Variants in TMEM132C observed in about 807,000 individuals in gnomAD.
TMEM132C encodes transmembrane protein 132C.
In TMEM132C, 29 loss-of-function variants were observed where a neutral mutation model predicts 61.4. The ratio of observed to expected loss-of-function variants is 0.47; its 90% CI spans 0.35 to 0.64. TMEM132C has a LOEUF of 0.64. Ranked by LOEUF, TMEM132C falls within the 30% of genes least tolerant of loss-of-function variation. The pLI is 0.00. For synonymous variants in TMEM132C, 656 were observed against 633.1 expected (o/e 1.04, Z -0.54); for missense variants, 1,408 against 1,476.9 (o/e 0.95, Z 0.76).
chr12:128,675,976 C>T (rs143345678), intron 5 of TMEM132C, among the ~76,000 whole-genome samples: 258 of 152,268 alleles, frequency 1.7e-3, no homozygotes, highest in African/African-American at 5.9e-3. Context: ...GTGTATATTT[C>T]CTAAGAATAA....
intron 3 of TMEM132C, among the ~76,000 whole-genome samples, chr12:128,572,834 C>T (rs535367248): frequency 6.6e-6 from 1 of 152,352 alleles, no homozygotes; most frequent in East Asian, 1.9e-4. Flanking sequence ...GTGACTTGGT[C>T]CCACTAGAAA....
intron 3 of TMEM132C, among the ~76,000 whole-genome samples, chr12:128,559,285 CT>C (rs1412909966): frequency 1.3e-5 from 2 of 152,016 alleles, no homozygotes; most frequent in African/African-American, 4.8e-5. Context: ...GTTCTTTATT[CT>C]TTTTTTCCAA....
intron 1 of TMEM132C, among the ~76,000 whole-genome samples, chr12:128,323,121 G>A (rs1307796392): frequency 6.6e-6 from 1 of 152,206 alleles, no homozygotes; most frequent in African/African-American, 2.4e-5. Context: ...TGTGGGTGAA[G>A]TACTGAGAGC....
At chr12:128,685,305 C>T (rs1443868308) in intron 5 of TMEM132C, among the ~76,000 whole-genome samples, 1 of 152,228 alleles carries the variant, frequency 6.6e-6, no homozygotes, top group Non-Finnish European at 1.5e-5. Context: ...GTCTTTGTAA[C>T]AGACAACTCC....
At chr12:128,535,525 A>G (rs1873490127) in intron 2 of TMEM132C, among the ~76,000 whole-genome samples, 3 of 152,214 alleles carry the variant, frequency 2.0e-5, no homozygotes, top group African/African-American at 7.2e-5. Context: ...ATGCAAATCA[A>G]AACCACAATG....
chr12:128,382,093 C>G lies in TMEM132C; in HGVS notation c.86-32639C>G, dbSNP rs147691344. 6.8e-3 allele frequency among the ~76,000 whole-genome samples: 1,029 copies of G among 151,036 alleles called. 13 individuals carry two copies. Among genetic ancestry groups the G allele is most frequent in the African/African-American group, 0.024 (975 of 41,062 alleles). On this transcript the variant is annotated intron_variant, in intron 1 of 8. Transcript: ENST00000435159. ...ATACATTCATACTTTAATGGCGAAGCTGATTCCCCATGGCTCAGCCACCCA... is the reference window on the plus strand; with the variant it reads ...ATACATTCATACTTTAATGGCGAAGGTGATTCCCCATGGCTCAGCCACCCA...
chr12:128,576,664 G>C (rs1230340388), intron 3 of TMEM132C, among the ~76,000 whole-genome samples: 1 of 152,200 alleles, frequency 6.6e-6, no homozygotes, highest in African/African-American at 2.4e-5. Context: ...AATTATTTCT[G>C]TGTTACACAT....
At chr12:128,382,040 C>CTT (rs113830900) in intron 1 of TMEM132C, among the ~76,000 whole-genome samples, 2 of 141,080 alleles carry the variant, frequency 1.4e-5, no homozygotes, top group African/African-American at 5.2e-5. Context: ...TTGTTATTCG[C>CTT]TTTTTTTTTT....
chr12:128,687,474 C>T (rs11829045), intron 5 of TMEM132C, among the ~76,000 whole-genome samples: 28,755 of 151,996 alleles, frequency 0.19, 3,292 homozygotes, highest in African/African-American at 0.32. Context: ...ATTGCCCAGA[C>T]TGAGATCCAC....
At chr12:128,298,299 G>C (rs909842374) in intron 1 of TMEM132C, among the ~76,000 whole-genome samples, 8 of 152,218 alleles carry the variant, frequency 5.3e-5, no homozygotes, top group Non-Finnish European at 1.0e-4. Flanking sequence ...CCTCCCCCGG[G>C]CCATGTGCAT....
At chr12:128,371,353 G>A (rs1004749254) in intron 1 of TMEM132C, among the ~76,000 whole-genome samples, 2 of 152,082 alleles carry the variant, frequency 1.3e-5, no homozygotes, top group African/African-American at 2.4e-5. Flanking sequence ...TATGACCCAC[G>A]CCTGTCCAAT....
At chr12:128,572,982 G>C (rs1192607023) in intron 3 of TMEM132C, among the ~76,000 whole-genome samples, 2 of 152,248 alleles carry the variant, frequency 1.3e-5, no homozygotes, top group African/African-American at 2.4e-5. Flanking sequence ...GGAGAAATGG[G>C]AACACTTTTA....
At chr12:128,538,888 G>A (rs11059748) in intron 2 of TMEM132C, among the ~76,000 whole-genome samples, 14,860 of 152,056 alleles carry the variant, frequency 0.098, 2,048 homozygotes, top group African/African-American at 0.29. Context: ...AAGTACATGT[G>A]CTAATCACAG....
At chr12:128,648,449 G>A (rs1954233329) in intron 4 of TMEM132C, among the ~76,000 whole-genome samples, 1 of 151,386 alleles carries the variant, frequency 6.6e-6, no homozygotes, top group South Asian at 2.1e-4. Context: ...CATCAGCGTT[G>A]GATATGAGTG....
intron 1 of TMEM132C, among the ~76,000 whole-genome samples, chr12:128,336,726 G>A (rs1171038282): frequency 6.6e-6 from 1 of 152,130 alleles, no homozygotes; most frequent in African/African-American, 2.4e-5. Context: ...CACACTAGTT[G>A]AAGTGCCAGT....
intron 3 of TMEM132C, among the ~76,000 whole-genome samples, chr12:128,564,611 T>G (rs1186684247): frequency 6.6e-6 from 1 of 152,194 alleles, no homozygotes; most frequent in Non-Finnish European, 1.5e-5. Flanking sequence ...GTAAGTGCAG[T>G]GACGGGGTTG....
chr12:128,497,818 G>A (rs536240110), intron 2 of TMEM132C, among the ~76,000 whole-genome samples: 10 of 152,062 alleles, frequency 6.6e-5, no homozygotes, highest in Non-Finnish European at 1.2e-4. Flanking sequence ...GCTCACACTC[G>A]GCTGCACCCA....
intron 2 of TMEM132C, among the ~76,000 whole-genome samples, chr12:128,452,682 C>T (rs149562433): frequency 0.013 from 1,946 of 151,368 alleles, 42 homozygotes; most frequent in African/African-American, 0.04. Flanking sequence ...CCAGCCTGGG[C>T]GACAGAGTGA....
At chr12:128,409,515 T>C (rs1868452233) in intron 1 of TMEM132C, among the ~76,000 whole-genome samples, 1 of 152,144 alleles carries the variant, frequency 6.6e-6, no homozygotes, top group South Asian at 2.1e-4. Context: ...TCCCAAATGT[T>C]TCCAGTTCCT....
Sources: gnomAD v4.1 joint callset for allele counts (sites outside exome capture counted in the v4.1 genomes callset) on GRCh38, gnomAD v4.1.1 for gene constraint, MANE v1.5 for transcripts, NCBI Gene and HGNC (gene_info 2026-07-23, HGNC 2026-07-21) for gene names.